HDX: variants seen among roughly 807,000 people sequenced by gnomAD.
The protein encoded by HDX is chromosome X open reading frame 43.
A neutral mutation model predicts 45.2 loss-of-function variants in HDX; 19 were observed. The ratio of observed to expected loss-of-function variants is 0.42; its 90% CI spans 0.29 to 0.62. The LOEUF (loss-of-function observed/expected upper bound fraction) is 0.62. Among genes scored for constraint, HDX ranks in the 20% least tolerant of loss-of-function variants. HDX has a pLI of 0.20. For missense variants in HDX, 532 were observed against 493.9 expected (o/e 1.08, Z -0.73); for synonymous variants, 188 against 172.8 (o/e 1.09, Z -0.69).
intron 5 of HDX, among the ~76,000 whole-genome samples, chrX:84,383,080 C>G (rs911099755): frequency 3.6e-5 from 4 of 110,849 alleles, no homozygotes; most frequent in Non-Finnish European, 5.7e-5. Flanking sequence ...ATAAAATTAA[C>G]GTGTAGTATA....
chrX:84,490,715 A>T (rs1273051656), intron 1 of HDX, among the ~76,000 whole-genome samples: 1 of 108,801 alleles, frequency 9.2e-6, no homozygotes, highest in Non-Finnish European at 1.9e-5. Flanking sequence ...TAATTTTTTT[A>T]AATCTTATTA....
chrX:84,343,601 A>G (rs2037134036), intron 7 of HDX, among the ~76,000 whole-genome samples: 1 of 111,140 alleles, frequency 9.0e-6, no homozygotes, highest in Non-Finnish European at 1.9e-5. Flanking sequence ...CAATGGATGA[A>G]TTTTATGACG....
intron 5 of HDX, among the ~76,000 whole-genome samples, chrX:84,379,232 A>T (rs1053338236): frequency 2.8e-4 from 31 of 109,773 alleles, no homozygotes; most frequent in Admixed American, 2.0e-4. Flanking sequence ...ACCCATATAG[A>T]TCTGAAATAT....
intron 5 of HDX, among the ~76,000 whole-genome samples, chrX:84,401,846 T>C (rs1324064227): frequency 8.9e-6 from 1 of 112,167 alleles, no homozygotes; most frequent in African/African-American, 3.2e-5. Flanking sequence ...TAAAATGTGG[T>C]ACATATACAC....
intron 5 of HDX, among the ~76,000 whole-genome samples, chrX:84,389,824 A>G (rs4132152): frequency 0.25 from 27,486 of 109,598 alleles, 2,641 homozygotes; most frequent in Non-Finnish European, 0.3. Flanking sequence ...GTTTAAAGGC[A>G]TATCTCTACT....
chrX:84,467,100 A>T (rs2040365031), intron 4 of HDX, among the ~76,000 whole-genome samples: 1 of 111,481 alleles, frequency 9.0e-6, no homozygotes, highest in Non-Finnish European at 1.9e-5. Context: ...AAGGGCACAC[A>T]CATAAAAATG....
intron 5 of HDX, among the ~76,000 whole-genome samples, chrX:84,420,404 A>G (rs928782194): frequency 3.6e-5 from 4 of 110,954 alleles, no homozygotes; most frequent in African/African-American, 1.3e-4. Context: ...ATAACTAGTG[A>G]GTATGAAGAC....
At chrX:84,447,178 T>C (rs774118859) in intron 4 of HDX, among the ~76,000 whole-genome samples, 15 of 111,726 alleles carry the variant, frequency 1.3e-4, no homozygotes, top group African/African-American at 4.9e-4. Flanking sequence ...TCTAGATATT[T>C]TAAAGTAGCC....
At chrX:84,383,080 C>T (rs911099755) in intron 5 of HDX, among the ~76,000 whole-genome samples, 4 of 110,849 alleles carry the variant, frequency 3.6e-5, no homozygotes, top group Non-Finnish European at 5.7e-5. Flanking sequence ...ATAAAATTAA[C>T]GTGTAGTATA....
chrX:84,329,448 C>G (rs1451616528), intron 9 of HDX, among the ~76,000 whole-genome samples: 2 of 60,407 alleles, frequency 3.3e-5, no homozygotes, highest in East Asian at 1.3e-3. Context: ...TAACGTAAGA[C>G]TCAGCAATCC....
At position 84,474,301 on chromosome X, in the gene HDX, G is replaced by GA. The variant is rs1482101931; in HGVS notation, c.147+949dup. Among the ~76,000 whole-genome samples, 5 of 111,684 alleles carry GA rather than the reference G, an allele frequency of 4.5e-5. No homozygotes were observed. The South Asian group carries it at 1.1e-3, about 25-fold the overall frequency. On this transcript the variant is annotated intron_variant, in intron 3 of 10. Coordinates refer to ENST00000373177, the MANE Select transcript of HDX (RefSeq NM_001177479.2). ...GAGCGAAACTCCGTTTCAAAAAAAA[G>GA]AAAAAAATAAAAGAAACAGATATCC... is the stretch of plus-strand genomic sequence containing the variant.
intron 3 of HDX, among the ~76,000 whole-genome samples, chrX:84,473,200 A>C (rs1280476073): frequency 9.4e-6 from 1 of 106,622 alleles, no homozygotes; most frequent in Non-Finnish European, 1.9e-5. Context: ...TGATGTTTTA[A>C]CTTTTTAAGT....
At chrX:84,359,825 A>T (rs2037576057) in intron 6 of HDX, among the ~76,000 whole-genome samples, 1 of 111,863 alleles carries the variant, frequency 8.9e-6, no homozygotes, top group South Asian at 3.7e-4. Context: ...AACTATAAAA[A>T]CCTTAGAAGA....
Position 84,422,663 on chromosome X carries a change from G to GTTTT in HDX, c.1305+17865_1305+17868dup, listed in dbSNP as rs779557860. Among the ~76,000 whole-genome samples, 191 of 64,916 alleles carry GTTTT rather than the reference G, an allele frequency of 2.9e-3. 7 individuals carry two copies. The highest frequency in any genetic ancestry group is 0.026 in the Middle Eastern group (2 of 78). The allele number at this position is 64,916 out of a possible 115,157, so 56.4% of individuals were successfully genotyped here. A position where few individuals can be genotyped will look rare whatever the true frequency, so the allele number is the denominator to read the frequency against. On this transcript the variant is annotated intron_variant, in intron 5 of 10. Transcript: ENST00000373177. Reference sequence around the variant, plus strand: ...ATACCAAAGACCAATGAAATAAAAGGTTTTTTTTTTTTTTTTTTTTTTTGA... The same window carrying GTTTT: ...ATACCAAAGACCAATGAAATAAAAGGTTTTTTTTTTTTTTTTTTTTTTTTTTTGA...
intron 5 of HDX, 82 bp downstream of exon 5, chrX:84,440,450 A>G: frequency 1.5e-6 from 1 of 674,118 alleles, no homozygotes; most frequent in East Asian, 3.3e-5. Flanking sequence ...CAGCTTTACA[A>G]ATATGGCAAT....
In HDX at chrX:84,478,306, A is replaced by G. The variant is rs893055828; in HGVS notation, c.1-2909T>C. ...AATCATGCTTAGTATGTTCTATTCAAACAAGCTGAACAATGAGTATAATTT... is the reference window on the plus strand; with the variant it reads ...AATCATGCTTAGTATGTTCTATTCAGACAAGCTGAACAATGAGTATAATTT... On this transcript the variant is annotated intron_variant, in intron 2 of 10. Coordinates refer to ENST00000373177, the MANE Select transcript of HDX (RefSeq NM_001177479.2). 6.2e-5 allele frequency among the ~76,000 whole-genome samples: 7 copies of G among 112,004 alleles called. No individual in the cohort carries two copies. The East Asian group carries it at 2.0e-3, about 31-fold the overall frequency.
chrX:84,414,259 C>A (rs767927371), intron 5 of HDX, among the ~76,000 whole-genome samples: 1 of 111,059 alleles, frequency 9.0e-6, no homozygotes, highest in Admixed American at 9.6e-5. Flanking sequence ...TTCAGTAGGC[C>A]TCATGTAGAA....
At chrX:84,408,559 G>A (rs1467627105) in intron 5 of HDX, among the ~76,000 whole-genome samples, 1 of 68,916 alleles carries the variant, frequency 1.5e-5, no homozygotes, top group Non-Finnish European at 2.8e-5. Flanking sequence ...CTCTATTTTG[G>A]TTCCATATAA....
intron 5 of HDX, among the ~76,000 whole-genome samples, chrX:84,362,661 C>G (rs751498630): frequency 1.8e-5 from 2 of 110,577 alleles, no homozygotes; most frequent in African/African-American, 6.6e-5. Context: ...GGTTCTGTTG[C>G]GTTCTTCTGC....
Sources: allele counts gnomAD v4.1 joint callset (sites outside exome capture counted in the v4.1 genomes callset), GRCh38; gene constraint gnomAD v4.1.1; transcripts MANE v1.5; gene names NCBI Gene and HGNC (gene_info 2026-07-23, HGNC 2026-07-21).